The following CASP8 variants were observed in gnomAD, a reference collection of about 807,000 sequenced individuals.
CASP8 encodes the protein caspase 8.
A neutral mutation model predicts 46.3 loss-of-function variants in CASP8; 24 were observed. That is an observed-to-expected ratio of 0.52 (90% CI 0.38 to 0.73). The LOEUF (loss-of-function observed/expected upper bound fraction) is 0.73, where lower values mean the gene tolerates loss of function less well. Ranked by LOEUF, CASP8 falls within the 30% of genes least tolerant of loss-of-function variation. CASP8 has a pLI of 0.00. For missense variants in CASP8, 460 were observed against 559.0 expected (o/e 0.82, Z 1.79); for synonymous variants, 188 against 200.4 (o/e 0.94, Z 0.52).
intron 2 of CASP8, chr2:201,241,121 A>G (rs1370571631): frequency 6.6e-6 from 1 of 152,176 alleles, no homozygotes; most frequent in African/African-American, 2.4e-5. Context: ...TTCGTGCCTC[A>G]AGGAGAGGAG....
intron 2 of CASP8, among the ~76,000 whole-genome samples, chr2:201,235,505 G>A (rs1251175337): frequency 6.6e-6 from 1 of 151,846 alleles, no homozygotes; most frequent in African/African-American, 2.4e-5. Flanking sequence ...ATTTCTTTTA[G>A]ACGAATTAAG....
At chr2:201,283,415 C>T (rs1949276157) in intron 7 of CASP8, among the ~76,000 whole-genome samples, 1 of 58,256 alleles carries the variant, frequency 1.7e-5, no homozygotes, top group Admixed American at 1.2e-4. Context: ...ACCTCCCTCC[C>T]GGACTGGGCG....
intron 2 of CASP8, among the ~76,000 whole-genome samples, chr2:201,237,688 G>T (rs1180369266): frequency 6.6e-6 from 1 of 152,140 alleles, no homozygotes; most frequent in Admixed American, 6.5e-5. Flanking sequence ...CCGCAAGAAT[G>T]CATGCTGGTT....
intron 2 of CASP8, among the ~76,000 whole-genome samples, chr2:201,239,743 G>A (rs767407602): frequency 8.4e-4 from 127 of 152,060 alleles, no homozygotes; most frequent in Non-Finnish European, 1.6e-3. Flanking sequence ...GAGGCGTCAC[G>A]GGTGGCGGGC....
At chr2:201,238,774 T>C (rs1256304467) in intron 2 of CASP8, among the ~76,000 whole-genome samples, 1 of 152,154 alleles carries the variant, frequency 6.6e-6, no homozygotes, top group Non-Finnish European at 1.5e-5. Flanking sequence ...TTTATTTATT[T>C]ATTTATTTTT....
rs1576302286 is a variant in CASP8, at chr2:201,266,066, A to C, written c.-26-395A>C. 6.9e-6 allele frequency among the ~76,000 whole-genome samples: 1 copy of C among 145,022 alleles called. No homozygotes were observed. The highest frequency in any genetic ancestry group is 2.6e-5 in the African/African-American group (1 of 38,838). ...GCAATCTCCGCTCACTGCAACCTCC[A>C]CCTCCTGGGTTCAAGCGATTCTCCT... is the stretch of plus-strand genomic sequence containing the variant. On this transcript the variant is annotated intron_variant, in intron 1 of 8. Transcript: ENST00000673742. The surrounding 1 kb of genome is among the most constrained non-coding windows in gnomAD (Gnocchi z 5.7).
At chr2:201,267,333 C>T (rs912251832) in intron 2 of CASP8, among the ~76,000 whole-genome samples, 1 of 152,030 alleles carries the variant, frequency 6.6e-6, no homozygotes, top group African/African-American at 2.4e-5. Flanking sequence ...TTGCGGATGG[C>T]TATGAAAATT....
intron 2 of CASP8, chr2:201,241,917 G>A (rs368751251): frequency 5.9e-5 from 9 of 152,128 alleles, no homozygotes; most frequent in Admixed American, 1.3e-4. Flanking sequence ...AAATCAGTGC[G>A]AAATGGCCTA....
chr2:201,281,992 T>C, intron 7 of CASP8: 1 of 356,044 alleles, frequency 2.8e-6, no homozygotes, highest in South Asian at 3.4e-5. Context: ...AGAGGGGGAT[T>C]TGGCAGGGTC....
In CASP8 at chr2:201,268,909, TTGTGTGTGTG is replaced by T. The variant is rs58087434; in HGVS notation, c.305+2157_305+2166del. Among the ~76,000 whole-genome samples, 384 of 131,640 alleles carry T rather than the reference TTGTGTGTGTG, an allele frequency of 2.9e-3. 2 individuals carry two copies. The highest frequency in any genetic ancestry group is 2.7e-3 in the African/African-American group (95 of 35,744). 86.4% of individuals were successfully genotyped at this position (131,640 alleles called of 152,430 possible). ...CACCTAATCCAGTATGGCCTCATCT[TTGTGTGTGTG>T]TGTGTGTGTGTGTGTGTGTGTGTGT... On this transcript the variant is annotated intron_variant, in intron 2 of 8. Transcript: ENST00000673742.
intron 8 of CASP8, among the ~76,000 whole-genome samples, chr2:201,286,007 A>C (rs1949540340): frequency 6.6e-6 from 1 of 152,260 alleles, no homozygotes; most frequent in African/African-American, 2.4e-5. Context: ...AAAAATGCTA[A>C]GAGATCCTGG....
At chr2:201,233,778 A>G (rs1194792771) in intron 1 of CASP8, among the ~76,000 whole-genome samples, 1 of 152,222 alleles carries the variant, frequency 6.6e-6, no homozygotes, top group East Asian at 1.9e-4. Flanking sequence ...TTGAATCCAG[A>G]TCTGCCTGAT....
upstream of CASP8, among the ~76,000 whole-genome samples, chr2:201,260,315 C>T (rs1300316652): frequency 2.0e-5 from 3 of 152,168 alleles, no homozygotes; most frequent in Admixed American, 2.0e-4. Flanking sequence ...GTAAAATGGC[C>T]CATCCAAAGT....
chr2:201,275,844 G>A (rs565675580), intron 6 of CASP8, among the ~76,000 whole-genome samples: 100 of 152,098 alleles, frequency 6.6e-4, no homozygotes, highest in African/African-American at 2.4e-3. Context: ...CCAAAGTCTG[G>A]GATTATAGGT....
At chr2:201,255,952 C>T (rs1252846427), upstream of CASP8, among the ~76,000 whole-genome samples, 1 of 152,164 alleles carries the variant, frequency 6.6e-6, no homozygotes, top group African/African-American at 2.4e-5. Context: ...GAGACAGTGT[C>T]TCCCTATGTT....
At chr2:201,237,355 T>C (rs544396644) in intron 2 of CASP8, among the ~76,000 whole-genome samples, 70 of 148,730 alleles carry the variant, frequency 4.7e-4, no homozygotes, top group African/African-American at 1.6e-3. Context: ...CTTCCCAAAG[T>C]GCTGGGATTA....
At chr2:201,241,675 G>A (rs1946305374) in intron 2 of CASP8, 1 of 152,180 alleles carries the variant, frequency 6.6e-6, no homozygotes, top group Admixed American at 6.5e-5. Context: ...AATTGAAGAA[G>A]AGGGCACACT....
rs1201522767 is a variant in CASP8, at chr2:201,272,192, CTGTG to C, written c.412-440_412-437del. On this transcript the variant is annotated intron_variant, in intron 3 of 8. Transcript: ENST00000673742. This position sits in a 1 kb window ranked among gnomAD's most constrained non-coding sequence, Gnocchi z 4.4. ...CTGTGTGTGTATCACTGAGTATACT[CTGTG>C]TGTGTTGTATCTGTGTGTGTATGTG... Among the ~76,000 whole-genome samples, 8 of 150,910 alleles carry C rather than the reference CTGTG, an allele frequency of 5.3e-5. No homozygotes were observed. Among genetic ancestry groups the C allele is most frequent in the Admixed American group, 5.3e-4 (8 of 15,140 alleles).
chr2:201,247,566 C>T (rs1444750583), intron 2 of CASP8, among the ~76,000 whole-genome samples: 1 of 151,188 alleles, frequency 6.6e-6, no homozygotes, highest in Non-Finnish European at 1.5e-5. Flanking sequence ...GCAACCTCTG[C>T]CTCCCAGGTT....
Sources: allele counts gnomAD v4.1 joint callset (sites outside exome capture counted in the v4.1 genomes callset), GRCh38; gene constraint gnomAD v4.1.1; non-coding constraint Gnocchi (gnomAD v3.1); transcripts MANE v1.5; gene names NCBI Gene and HGNC (gene_info 2026-07-23, HGNC 2026-07-21).